LMO7: variants seen among roughly 807,000 people sequenced by gnomAD.
LMO7 encodes LIM domain 7, also known as LIM domain only protein 7.
In LMO7, 120 loss-of-function variants were observed where a neutral mutation model predicts 206.5. The observed-to-expected ratio is 0.58, with a 90% CI of 0.50 to 0.68. The LOEUF (loss-of-function observed/expected upper bound fraction) is 0.68, where lower values mean the gene tolerates loss of function less well. Ranked by LOEUF, LMO7 falls within the 30% of genes least tolerant of loss-of-function variation. The probability of loss-of-function intolerance (pLI) is 0.00; values close to 1 mark genes in which losing one functional copy is unlikely to be tolerated. For missense variants in LMO7, 1,959 were observed against 1,957.9 expected (o/e 1.00, Z -0.01); for synonymous variants, 706 against 681.5 (o/e 1.04, Z -0.56).
At chr13:75,788,066 C>G (rs936475798) in intron 4 of LMO7, among the ~76,000 whole-genome samples, 1 of 152,102 alleles carries the variant, frequency 6.6e-6, no homozygotes, top group Non-Finnish European at 1.5e-5. Context: ...TTCCTAAATT[C>G]CTATTTTGAT....
intron 1 of LMO7, among the ~76,000 whole-genome samples, chr13:75,700,622 CTT>C (rs536123264): frequency 1.0e-3 from 153 of 152,348 alleles, no homozygotes; most frequent in African/African-American, 3.6e-3. Context: ...CATCACTACT[CTT>C]TGTGCTTTGG....
intron 3 of LMO7, among the ~76,000 whole-genome samples, chr13:75,728,668 G>A (rs1429548926): frequency 1.5e-5 from 2 of 136,758 alleles, no homozygotes; most frequent in African/African-American, 3.0e-5. Context: ...TGTTGCCATT[G>A]CTTTTTGTGT....
At chr13:75,737,535 C>G (rs1268699403) in intron 3 of LMO7, among the ~76,000 whole-genome samples, 1 of 148,792 alleles carries the variant, frequency 6.7e-6, no homozygotes, top group Non-Finnish European at 1.5e-5. Context: ...GGGCGGATCA[C>G]GAGGTCAGGA....
chr13:75,826,504 A>G (rs8000656), intron 15 of LMO7, among the ~76,000 whole-genome samples: 98,913 of 151,938 alleles, frequency 0.65, 32,420 homozygotes, highest in Middle Eastern at 0.79. Flanking sequence ...TAAAGCCTCT[A>G]GTGGCACTGT....
chr13:75,700,371 C>T (rs913147764), intron 1 of LMO7, among the ~76,000 whole-genome samples: 18 of 152,220 alleles, frequency 1.2e-4, no homozygotes, highest in African/African-American at 4.3e-4. Flanking sequence ...TAAAGACAGG[C>T]CTAAGAAATT....
rs115207032 is a variant in LMO7, at chr13:75,814,420, A to G, written c.1947-2741A>G. Among the ~76,000 whole-genome samples the G allele has an allele frequency of 4.4e-3, 665 of 152,334 alleles. 4 individuals are homozygous for G. The highest frequency in any genetic ancestry group is 0.015 in the African/African-American group (637 of 41,578). ...CAGACACACATGCACTGTAACAGAC[A>G]TAAGGCTGAGGGTTCAGTACTATGA... On this transcript the variant is annotated intron_variant, in intron 11 of 30. Transcript: ENST00000377534.
chr13:75,669,163 G>T (rs1445399682), intron 1 of LMO7, among the ~76,000 whole-genome samples: 1 of 152,130 alleles, frequency 6.6e-6, no homozygotes, highest in Non-Finnish European at 1.5e-5. Flanking sequence ...AAAGTAAGTG[G>T]TCAGTGGTTC....
At chr13:75,623,318 A>G in exon 2 of LMO7, 2 of 1,405,314 alleles carry the variant, frequency 1.4e-6, no homozygotes, top group Non-Finnish European at 2.0e-6. Flanking sequence ...TATTCTCATT[A>G]AGGTAATATT....
chr13:75,693,329 C>T (rs1461035751), intron 1 of LMO7, among the ~76,000 whole-genome samples: 2 of 152,170 alleles, frequency 1.3e-5, no homozygotes, highest in East Asian at 3.8e-4. Context: ...TTTTGTGTAG[C>T]ACTGACATTT....
intron 11 of LMO7, 27 bp downstream of exon 11, chr13:75,809,210 A>G (rs747530981): frequency 1.3e-6 from 2 of 1,596,612 alleles, no homozygotes; most frequent in South Asian, 2.2e-5. Flanking sequence ...ACAGTAAAAA[A>G]TCTGTGCGTG....
exon 1 of LMO7, chr13:75,621,468 G>C (rs1309877613): frequency 7.5e-6 from 2 of 267,164 alleles, no homozygotes; most frequent in Non-Finnish European, 1.4e-5. Context: ...TTTACTCTTG[G>C]GGGCAAAGAA....
chr13:75,735,523 G>T (rs1469654599), intron 3 of LMO7, among the ~76,000 whole-genome samples: 1 of 152,162 alleles, frequency 6.6e-6, no homozygotes, highest in Admixed American at 6.5e-5. Flanking sequence ...GAGCAGTGGG[G>T]TGATCTTGGC....
chr13:75,626,595 A>ATATATTTTTTTTTTTTTTTTTTTTT, intron 2 of LMO7, among the ~76,000 whole-genome samples: 8 of 71,182 alleles, frequency 1.1e-4, no homozygotes, highest in East Asian at 5.9e-4. Flanking sequence ...ATATATATAA[A>ATATATTTTTTTTTTTTTTTTTTTTT]TTTTTTTGAG....
intron 4 of LMO7, among the ~76,000 whole-genome samples, chr13:75,782,587 C>G (rs1259415762): frequency 6.6e-6 from 1 of 152,214 alleles, no homozygotes; most frequent in Non-Finnish European, 1.5e-5. Flanking sequence ...TAAAACAACA[C>G]AAACTTACTC....
intron 1 of LMO7, among the ~76,000 whole-genome samples, chr13:75,696,092 C>G (rs1017344938): frequency 1.3e-5 from 2 of 152,182 alleles, no homozygotes; most frequent in African/African-American, 4.8e-5. Flanking sequence ...CGCTGTGGCT[C>G]ATGCCTGTAA....
chr13:75,624,193 A>G (rs1238333280), intron 2 of LMO7, among the ~76,000 whole-genome samples: 1 of 152,224 alleles, frequency 6.6e-6, no homozygotes, highest in Non-Finnish European at 1.5e-5. Flanking sequence ...GGTGCCATAA[A>G]GTAGAGCTAT....
In LMO7 at chr13:75,804,211, C is replaced by T. The variant is rs186057104; in HGVS notation, c.662-78C>T. On this transcript the variant is annotated intron_variant, in intron 7 of 30. Transcript: ENST00000377534. Reference sequence around the variant, plus strand: ...CAGCACTGGGTTTCTAAGGGAAAGACAAAGCAGGCGCGCTGTGTGGGTTTC... The same window carrying T: ...CAGCACTGGGTTTCTAAGGGAAAGATAAAGCAGGCGCGCTGTGTGGGTTTC... 36 of 1,455,156 alleles carry T rather than the reference C, an allele frequency of 2.5e-5. No homozygotes were observed. In the East Asian group the frequency reaches 4.1e-4, roughly 17 times the overall value. The allele number at this position is 1,455,156 out of a possible 1,614,324, so 90.1% of individuals were successfully genotyped here. A position where few individuals can be genotyped will look rare whatever the true frequency, so the allele number is the denominator to read the frequency against.
intron 13 of LMO7, 35 bp from the exon 14 acceptor site, chr13:75,821,142 G>A (rs7334674): frequency 0.25 from 386,965 of 1,521,100 alleles, 52,425 homozygotes; most frequent in African/African-American, 0.48. Context: ...TCAAATGTGT[G>A]TCTTTGTGGT....
chr13:75,742,718 TAACTC>T (rs747775053), intron 3 of LMO7, among the ~76,000 whole-genome samples: 4 of 152,272 alleles, frequency 2.6e-5, no homozygotes, highest in Admixed American at 1.3e-4. Flanking sequence ...ATACAAAAAT[TAACTC>T]AAGATGGATT....
Sources: gnomAD v4.1 joint callset for allele counts (sites outside exome capture counted in the v4.1 genomes callset) on GRCh38, gnomAD v4.1.1 for gene constraint, MANE v1.5 for transcripts, NCBI Gene and HGNC (gene_info 2026-07-23, HGNC 2026-07-21) for gene names.